Variants in ATP11A observed in about 807,000 individuals in gnomAD.
The protein encoded by ATP11A is phospholipid-transporting ATPase IH.
ATP11A carries 81 observed loss-of-function variants against 154.4 expected under a neutral mutation model. That is an observed-to-expected ratio of 0.52 (90% CI 0.44 to 0.63). The LOEUF (loss-of-function observed/expected upper bound fraction) is 0.63. Ranked by LOEUF, ATP11A falls within the 30% of genes least tolerant of loss-of-function variation. The pLI is 0.00. For synonymous variants in ATP11A, 623 were observed against 585.9 expected (o/e 1.06, Z -0.91); for missense variants, 1,316 against 1,474.3 (o/e 0.89, Z 1.76).
chr13:112,829,130 C>T (rs1205158163), intron 12 of ATP11A, among the ~76,000 whole-genome samples: 1 of 152,190 alleles, frequency 6.6e-6, no homozygotes, highest in Non-Finnish European at 1.5e-5. Flanking sequence ...TGCTGCCTCC[C>T]GAGCACGAGT....
At chr13:112,702,185 C>A (rs1046391558) in intron 1 of ATP11A, among the ~76,000 whole-genome samples, 1 of 150,840 alleles carries the variant, frequency 6.6e-6, no homozygotes, top group East Asian at 2.0e-4. Context: ...GTCTCTACTA[C>A]AAATACAAAA....
At chr13:112,805,689 A>G (rs1382156832) in intron 3 of ATP11A, among the ~76,000 whole-genome samples, 2 of 150,534 alleles carry the variant, frequency 1.3e-5, no homozygotes, top group African/African-American at 2.4e-5. Flanking sequence ...AAAAAAAAAA[A>G]GAGAAAGAAA....
chr13:112,813,659 G>T (rs76268593), intron 5 of ATP11A, among the ~76,000 whole-genome samples: 9 of 152,246 alleles, frequency 5.9e-5, no homozygotes, highest in Non-Finnish European at 1.2e-4. Flanking sequence ...GCATATCCAC[G>T]TTTGGTTTTG....
At chr13:112,820,006 T>A (rs1303986332) in intron 8 of ATP11A, 56 bp downstream of exon 8, 12 of 1,487,468 alleles carry the variant, frequency 8.1e-6, no homozygotes, top group Non-Finnish European at 9.9e-6. Flanking sequence ...GCGTTAGAAA[T>A]GCATTCTTTG....
At chr13:112,779,000 A>G (rs1184516787) in intron 1 of ATP11A, among the ~76,000 whole-genome samples, 244 of 15,538 alleles carry the variant, frequency 0.016, no homozygotes, top group Middle Eastern at 0.038. Flanking sequence ...GCTGGAGTGA[A>G]GAGTAGCCAC....
intron 1 of ATP11A, among the ~76,000 whole-genome samples, chr13:112,778,097 G>A (rs956133638): frequency 6.6e-6 from 1 of 152,220 alleles, no homozygotes; most frequent in East Asian, 1.9e-4. Flanking sequence ...TCGTGGAAAT[G>A]AGTCAGATGG....
chr13:112,692,787 A>G (rs1223048191), intron 1 of ATP11A, among the ~76,000 whole-genome samples: 1 of 152,184 alleles, frequency 6.6e-6, no homozygotes, highest in African/African-American at 2.4e-5. Context: ...TATTAAACTA[A>G]TTTGACTTTT....
At position 112,855,792 on chromosome 13, in the gene ATP11A, A is replaced by G. The variant is rs2079904362; in HGVS notation, c.2244-119A>G. ...AAAAATTGTATTGGTAAAACAAGAA[A>G]CACTAGTTTCTTAATCCCATGGATT... On this transcript the variant is annotated intron_variant, in intron 19 of 29. Transcript: ENST00000375645. 3 of 905,078 alleles carry G rather than the reference A, an allele frequency of 3.3e-6. No individual in the cohort carries two copies. The Admixed American group carries it at 8.0e-5, about 24-fold the overall frequency. 56.1% of individuals were successfully genotyped at this position (905,078 alleles called of 1,614,324 possible). A position where few individuals can be genotyped will look rare whatever the true frequency, so the allele number is the denominator to read the frequency against.
Position 112,848,812 on chromosome 13 carries a change from C to T in ATP11A, c.1810-2225C>T, listed in dbSNP as rs546712649. Reference sequence around the variant, plus strand: ...AAGCCATTCTCTTGCCTCAGCCTCCCGAGTAACTGGGATTATAGGCATGCA... The same window carrying T: ...AAGCCATTCTCTTGCCTCAGCCTCCTGAGTAACTGGGATTATAGGCATGCA... On this transcript the variant is annotated intron_variant, in intron 17 of 29. Coordinates refer to ENST00000375645, the MANE Select transcript of ATP11A (RefSeq NM_015205.3). Among the ~76,000 whole-genome samples the T allele has an allele frequency of 7.2e-5, 11 of 152,314 alleles. No homozygotes were observed. In the East Asian group the frequency reaches 7.7e-4, roughly 11 times the overall value.
At chr13:112,713,061 A>G (rs899771874) in intron 1 of ATP11A, among the ~76,000 whole-genome samples, 1 of 152,258 alleles carries the variant, frequency 6.6e-6, no homozygotes. Flanking sequence ...GACTTATGAC[A>G]GCAGCTACAC....
chr13:112,881,202 G>C, intron 29 of ATP11A: 1 of 989,564 alleles, frequency 1.0e-6, no homozygotes, highest in Non-Finnish European at 1.2e-6. Context: ...TCAGACAGAT[G>C]CGTGCTGCCG....
intron 16 of ATP11A, among the ~76,000 whole-genome samples, chr13:112,839,734 G>A (rs1043857302): frequency 1.3e-5 from 2 of 152,186 alleles, no homozygotes; most frequent in Non-Finnish European, 2.9e-5. Flanking sequence ...AAGTCTTCAG[G>A]CTGAAGGTGT....
chr13:112,836,570 C>T (rs1594126968), intron 16 of ATP11A, among the ~76,000 whole-genome samples: 2 of 152,190 alleles, frequency 1.3e-5, no homozygotes, highest in African/African-American at 4.8e-5. Context: ...CCATCCCTAT[C>T]CCCCACCCGC....
intron 2 of ATP11A, among the ~76,000 whole-genome samples, chr13:112,794,578 A>C (rs1181278961): frequency 6.6e-6 from 1 of 152,190 alleles, no homozygotes; most frequent in African/African-American, 2.4e-5. Context: ...GATTAGAATA[A>C]AGCAATTGAG....
At chr13:112,810,853 T>C in intron 5 of ATP11A, 127 bp downstream of exon 5, 1 of 803,476 alleles carries the variant, frequency 1.2e-6, no homozygotes, top group Non-Finnish European at 2.0e-6. Flanking sequence ...GGAGGATCGC[T>C]GAGCCTGGAA....
rs116509668 is a variant in ATP11A, at chr13:112,700,457, A to G, written c.39+10002A>G. The stretch of plus-strand genomic sequence containing the variant: ...GTATCCACAGCCCCTCTCGATCCTC[A>G]CAGCAGCCCTGTGAAGGAGCACTGT... On this transcript the variant is annotated intron_variant, in intron 1 of 29. Coordinates refer to ENST00000375645, the MANE Select transcript of ATP11A (RefSeq NM_015205.3). 6.1e-3 allele frequency among the ~76,000 whole-genome samples: 930 copies of G among 152,236 alleles called. 10 individuals are homozygous for G. The highest frequency in any genetic ancestry group is 0.021 in the African/African-American group (890 of 41,544).
At chr13:112,812,575 A>C (rs1050310038) in intron 5 of ATP11A, among the ~76,000 whole-genome samples, 1 of 152,204 alleles carries the variant, frequency 6.6e-6, no homozygotes, top group Non-Finnish European at 1.5e-5. Context: ...TTCCCTGTCC[A>C]GTGGGACGGG....
At chr13:112,796,558 C>G (rs988619954) in intron 2 of ATP11A, among the ~76,000 whole-genome samples, 1 of 152,184 alleles carries the variant, frequency 6.6e-6, no homozygotes, top group Non-Finnish European at 1.5e-5. Context: ...CTGGAGCCTC[C>G]AGGAAGGAAC....
chr13:112,878,157 T>C (rs1426105620), intron 28 of ATP11A, 60 bp from the exon 29 acceptor site: 8 of 1,518,030 alleles, frequency 5.3e-6, no homozygotes, highest in Middle Eastern at 3.4e-4. Context: ...CCGCTTTGCC[T>C]AAATCCTCAC....
Sources: allele counts gnomAD v4.1 joint callset (sites outside exome capture counted in the v4.1 genomes callset), GRCh38; gene constraint gnomAD v4.1.1; transcripts MANE v1.5; gene names NCBI Gene and HGNC (gene_info 2026-07-23, HGNC 2026-07-21).